PARP15: variants seen among roughly 807,000 people sequenced by gnomAD.
PARP15 encodes the protein protein mono-ADP-ribosyltransferase PARP15.
PARP15 carries 50 observed loss-of-function variants against 62.1 expected under a neutral mutation model. The ratio of observed to expected loss-of-function variants is 0.81; its 90% CI spans 0.64 to 1.02. The LOEUF (loss-of-function observed/expected upper bound fraction) is 1.02. Among genes scored for constraint, PARP15 ranks in the 50% least tolerant of loss-of-function variants. The pLI is 0.00. For missense variants in PARP15, 820 were observed against 826.5 expected (o/e 0.99, Z 0.10); for synonymous variants, 309 against 293.1 (o/e 1.05, Z -0.55).
intron 6 of PARP15, among the ~76,000 whole-genome samples, chr3:122,619,310 G>C (rs888823915): frequency 6.6e-6 from 1 of 152,202 alleles, no homozygotes; most frequent in African/African-American, 2.4e-5. Flanking sequence ...CTTGACCAAA[G>C]TGGTGAAGCT....
In PARP15 at chr3:122,639,018, G is replaced by A. The variant is rs894155360; in HGVS notation, c.*2918G>A. ...CATCTTGCAGTGTATCATTTTCCTC[G>A]TCATTAAATATTTTACGTATCATTT... On this transcript the variant is annotated 3_prime_UTR_variant, in exon 12 of 12. Transcript: ENST00000464300. The A allele has an allele frequency of 9.2e-5, 14 of 151,626 alleles. No individual in the cohort carries two copies. Among genetic ancestry groups the A allele is most frequent in the East Asian group, 7.7e-4 (4 of 5,190 alleles). The allele number at this position is 151,626 out of a possible 1,614,324, so 9.4% of individuals were successfully genotyped here. A position where few individuals can be genotyped will look rare whatever the true frequency, so the allele number is the denominator to read the frequency against.
At chr3:122,618,839 T>G (rs948091123) in intron 6 of PARP15, among the ~76,000 whole-genome samples, 1 of 152,164 alleles carries the variant, frequency 6.6e-6, no homozygotes, top group African/African-American at 2.4e-5. Flanking sequence ...CTGCTCGCCT[T>G]ACACTGAAGC....
chr3:122,608,762 A>G (rs77550916), intron 2 of PARP15, among the ~76,000 whole-genome samples: 8,309 of 149,780 alleles, frequency 0.055, 608 homozygotes, highest in African/African-American at 0.16. Flanking sequence ...CATTACAACA[A>G]GGTTACTTTT....
At chr3:122,593,074 A>G (rs28650457) in intron 1 of PARP15, among the ~76,000 whole-genome samples, 12,297 of 133,024 alleles carry the variant, frequency 0.092, 1,621 homozygotes, top group African/African-American at 0.29. Flanking sequence ...GTATAGACTA[A>G]AAGATAAAAT....
chr3:122,587,078 A>G (rs1933503404), intron 1 of PARP15, among the ~76,000 whole-genome samples: 1 of 151,692 alleles, frequency 6.6e-6, no homozygotes. Context: ...TCACTTAGTA[A>G]TATGCCTTAA....
rs549451588 is a variant in PARP15 at position 122,609,583 on chromosome 3, C to T, written c.307-911C>T. Among the ~76,000 whole-genome samples, 89 of 151,826 alleles carry T rather than the reference C, an allele frequency of 5.9e-4. 1 individual carries two copies. The highest frequency in any genetic ancestry group is 2.1e-3 in the African/African-American group (85 of 41,406). ...CATGGTGGCACATGCCTGTAATCCC[C>T]GCTACTCAGGAGGCTGAGGCATGAG... On this transcript the variant is annotated intron_variant, in intron 2 of 11. Transcript: ENST00000464300.
chr3:122,628,333 G>C (rs1936859922), intron 9 of PARP15, among the ~76,000 whole-genome samples: 1 of 152,194 alleles, frequency 6.6e-6, no homozygotes, highest in African/African-American at 2.4e-5. Flanking sequence ...ACTTCAGCTA[G>C]AGGGGGTCAC....
At chr3:122,605,856 C>T (rs1935127387) in intron 1 of PARP15, 80 bp from the exon 2 acceptor site, 4 of 1,440,948 alleles carry the variant, frequency 2.8e-6, no homozygotes, top group Non-Finnish European at 3.7e-6. Context: ...GCTGAGATTA[C>T]AGACCTGAGC....
chr3:122,627,368 G>A (rs773143819), intron 9 of PARP15, among the ~76,000 whole-genome samples: 1 of 152,152 alleles, frequency 6.6e-6, no homozygotes, highest in Non-Finnish European at 1.5e-5. Flanking sequence ...TCCTCTTGGA[G>A]CTGTGAACTA....
intron 11 of PARP15, 115 bp downstream of exon 11, chr3:122,635,309 A>T: frequency 1.1e-6 from 1 of 914,858 alleles, no homozygotes; most frequent in Non-Finnish European, 1.6e-6. Flanking sequence ...GTCAGAATAG[A>T]GCTCACTGTG....
At chr3:122,600,417 A>G (rs567526052) in intron 1 of PARP15, among the ~76,000 whole-genome samples, 4 of 152,030 alleles carry the variant, frequency 2.6e-5, no homozygotes, top group African/African-American at 4.8e-5. Flanking sequence ...TTAAGCCCAA[A>G]TATGTTTTAC....
At chr3:122,623,098 G>A (rs767807728) in intron 8 of PARP15, among the ~76,000 whole-genome samples, 2 of 152,170 alleles carry the variant, frequency 1.3e-5, no homozygotes, top group Non-Finnish European at 1.5e-5. Flanking sequence ...ATAACCTTTT[G>A]CTATCGGCGG....
At chr3:122,613,842 G>A (rs575597098) in intron 4 of PARP15, among the ~76,000 whole-genome samples, 13 of 96,822 alleles carry the variant, frequency 1.3e-4, no homozygotes, top group African/African-American at 4.2e-4. Flanking sequence ...TTTTTTTTGA[G>A]ACAGAGTCTC....
At chr3:122,603,008 T>C (rs972165858) in intron 1 of PARP15, among the ~76,000 whole-genome samples, 3 of 152,216 alleles carry the variant, frequency 2.0e-5, no homozygotes, top group Admixed American at 2.0e-4. Flanking sequence ...TACCATTTGG[T>C]TTTGTCTGAA....
At chr3:122,621,399 A>G (rs1387284923) in intron 7 of PARP15, 45 bp from the exon 8 acceptor site, 1 of 1,544,380 alleles carries the variant, frequency 6.5e-7, no homozygotes, top group Non-Finnish European at 8.7e-7. Context: ...TGTTGCCTCC[A>G]GTAATTAATG....
At chr3:122,629,945 G>A (rs1427277676) in intron 9 of PARP15, among the ~76,000 whole-genome samples, 1 of 152,180 alleles carries the variant, frequency 6.6e-6, no homozygotes. Flanking sequence ...AAATACAAAT[G>A]AAGCTTTGTT....
At chr3:122,597,703 G>A (rs1934467771) in intron 1 of PARP15, among the ~76,000 whole-genome samples, 1 of 152,114 alleles carries the variant, frequency 6.6e-6, no homozygotes, top group South Asian at 2.1e-4. Context: ...AGGAATAGAT[G>A]CATTTTCTTT....
rs1200638885 is a variant in PARP15 at position 122,637,606 on chromosome 3, AT to A, written c.*1509del. 2.6e-5 allele frequency: 4 copies of A among 152,174 alleles called. No individual in the cohort carries two copies. Among genetic ancestry groups the A allele is most frequent in the Non-Finnish European group, 5.9e-5 (4 of 68,032 alleles). The allele number at this position is 152,174 out of a possible 1,614,324, so 9.4% of individuals were successfully genotyped here. A position where few individuals can be genotyped will look rare whatever the true frequency, so the allele number is the denominator to read the frequency against. ...ATTATCATAAATAAATTACATGCGCATTTAAAGAGAACAGAAAAGTATAAAG... is the reference window on the plus strand; with the variant it reads ...ATTATCATAAATAAATTACATGCGCATTAAAGAGAACAGAAAAGTATAAAG... On this transcript the variant is annotated 3_prime_UTR_variant, in exon 12 of 12. Transcript: ENST00000464300.
At chr3:122,625,091 T>C (rs1936617915) in intron 8 of PARP15, among the ~76,000 whole-genome samples, 1 of 152,152 alleles carries the variant, frequency 6.6e-6, no homozygotes, top group Non-Finnish European at 1.5e-5. Flanking sequence ...TTATCCCTAT[T>C]ACCTTCTATT....
Sources: allele counts gnomAD v4.1 joint callset (sites outside exome capture counted in the v4.1 genomes callset), GRCh38; gene constraint gnomAD v4.1.1; transcripts MANE v1.5; gene names NCBI Gene and HGNC (gene_info 2026-07-23, HGNC 2026-07-21).